SLC7A9: variants seen among roughly 807,000 people sequenced by gnomAD.
SLC7A9 encodes the protein solute carrier family 7 member 9, also known as B(0,+)-type amino acid transporter 1.
Under a neutral mutation model 54.1 loss-of-function variants are expected in SLC7A9, and 38 were observed. The ratio of observed to expected loss-of-function variants is 0.70; its 90% CI spans 0.54 to 0.92. The LOEUF (loss-of-function observed/expected upper bound fraction) is 0.92, where lower values mean the gene tolerates loss of function less well. SLC7A9 is among the 40% of genes least tolerant of loss of function. The pLI, the probability that SLC7A9 is intolerant of heterozygous loss-of-function variation, is 0.00. For synonymous variants in SLC7A9, 264 were observed against 258.9 expected (o/e 1.02, Z -0.19); for missense variants, 537 against 636.1 (o/e 0.84, Z 1.68).
intron 9 of SLC7A9, 47 bp downstream of exon 9, chr19:32,858,393 T>A: frequency 7.3e-7 from 1 of 1,373,300 alleles, no homozygotes; most frequent in Non-Finnish European, 1.0e-6. Context: ...GTGATATTGC[T>A]TTCGCCGCCC....
chr19:32,861,020 A>G (rs1232540857), intron 6 of SLC7A9, among the ~76,000 whole-genome samples: 2 of 152,228 alleles, frequency 1.3e-5, no homozygotes, highest in Non-Finnish European at 2.9e-5. Flanking sequence ...GCAGATGGCC[A>G]TGCTTCTTCC....
intron 11 of SLC7A9, among the ~76,000 whole-genome samples, chr19:32,838,260 A>C (rs925530424): frequency 6.6e-6 from 1 of 152,048 alleles, no homozygotes; most frequent in African/African-American, 2.4e-5. Context: ...TTTAAATGTT[A>C]AATTTTAATT....
chr19:32,862,608 C>G, intron 4 of SLC7A9, 22 bp from the exon 5 acceptor site: 1 of 1,612,948 alleles, frequency 6.2e-7, no homozygotes, highest in Non-Finnish European at 8.5e-7. Flanking sequence ...GGGACAGTTT[C>G]TGCATTTATG....
chr19:32,847,320 C>T lies in SLC7A9; in HGVS notation c.978-3369G>A, dbSNP rs529874001. Among the ~76,000 whole-genome samples the T allele has an allele frequency of 1.2e-4, 18 of 152,242 alleles. No homozygotes were observed. In the East Asian group the frequency reaches 3.3e-3, roughly 28 times the overall value. On this transcript the variant is annotated intron_variant, in intron 9 of 12. Coordinates refer to ENST00000023064, the MANE Select transcript of SLC7A9 (RefSeq NM_014270.5). ...TTAGACAAATGGATAACTACAATAA[C>T]CAATGCAGAGAAGTCCTTAAAGGAG...
At chr19:32,843,318 G>A (rs532318456) in intron 10 of SLC7A9, among the ~76,000 whole-genome samples, 44 of 152,194 alleles carry the variant, frequency 2.9e-4, no homozygotes, top group Admixed American at 5.2e-4. Context: ...GTAGCCAGGC[G>A]TGATGGCAGG....
At chr19:32,863,979 G>A in intron 4 of SLC7A9, 117 bp downstream of exon 4, 2 of 1,522,432 alleles carry the variant, frequency 1.3e-6, no homozygotes, top group Non-Finnish European at 1.8e-6. Context: ...AAAGGCTGAT[G>A]CCAGGCCCTG....
intron 8 of SLC7A9, 141 bp downstream of exon 8, chr19:32,859,700 T>C: frequency 2.6e-6 from 2 of 777,866 alleles, no homozygotes; most frequent in East Asian, 2.6e-5. Context: ...TCCAGCTCCA[T>C]GCCGTGCGTG....
chr19:32,840,352 A>G (rs1381723343), intron 11 of SLC7A9, among the ~76,000 whole-genome samples: 1 of 151,848 alleles, frequency 6.6e-6, no homozygotes, highest in Admixed American at 6.6e-5. Flanking sequence ...TTTTGTAGAG[A>G]CAGGGTCTTG....
At chr19:32,845,783 G>A (rs1160830552) in intron 9 of SLC7A9, among the ~76,000 whole-genome samples, 2 of 152,186 alleles carry the variant, frequency 1.3e-5, no homozygotes, top group Non-Finnish European at 2.9e-5. Context: ...CGAGGCGGGT[G>A]GATCACTTGA....
chr19:32,839,353 G>A (rs1161365587), intron 11 of SLC7A9, among the ~76,000 whole-genome samples: 1 of 152,040 alleles, frequency 6.6e-6, no homozygotes. Flanking sequence ...AGGAGTTCGA[G>A]ACCAGCCTGA....
Position 32,830,538 on chromosome 19 carries a change from G to T in SLC7A9, c.*82C>A. 1 of 1,052,384 alleles carries T rather than the reference G, an allele frequency of 9.5e-7. No homozygotes were observed. Among genetic ancestry groups the T allele is most frequent in the Non-Finnish European group, 1.5e-6 (1 of 670,104 alleles). The allele number at this position is 1,052,384 out of a possible 1,614,324, so 65.2% of individuals were successfully genotyped here. ...TTAAACATCTGAGTATATTTTATTC[G>T]TAAGAAAAAAAGGAAGAAATAACCA... On this transcript the variant is annotated 3_prime_UTR_variant, in exon 13 of 13. Transcript: ENST00000023064.
intron 6 of SLC7A9, 146 bp downstream of exon 6, chr19:32,861,972 T>C (rs1361925806): frequency 2.8e-6 from 2 of 725,084 alleles, no homozygotes; most frequent in African/African-American, 3.5e-5. Flanking sequence ...TGTCGCATCC[T>C]TCACAAAAAG....
chr19:32,857,551 T>G (rs948638111), intron 9 of SLC7A9, among the ~76,000 whole-genome samples: 1 of 152,194 alleles, frequency 6.6e-6, no homozygotes, highest in African/African-American at 2.4e-5. Context: ...TAGCACTACA[T>G]GTATTTCGGT....
Position 32,854,266 on chromosome 19 carries a change from G to A in SLC7A9, c.977+4174C>T, listed in dbSNP as rs113992338. On this transcript the variant is annotated intron_variant, in intron 9 of 12. Transcript: ENST00000023064. The stretch of plus-strand genomic sequence containing the variant: ...ATGGGCTCAAGCAGTCCTCCCCCTC[G>A]GCCTCCCAAAGTGCTTTGATTACAG... Among the ~76,000 whole-genome samples the A allele has an allele frequency of 7.8e-3, 1,191 of 151,802 alleles. 16 individuals carry two copies. Among genetic ancestry groups the A allele is most frequent in the African/African-American group, 0.027 (1,126 of 41,390 alleles).
intron 11 of SLC7A9, among the ~76,000 whole-genome samples, chr19:32,835,889 C>T (rs923726238): frequency 2.1e-5 from 3 of 140,776 alleles, no homozygotes; most frequent in Non-Finnish European, 4.6e-5. Context: ...AATTTATGTA[C>T]TGTGTGTGTG....
intron 12 of SLC7A9, 98 bp downstream of exon 12, chr19:32,833,051 T>A: frequency 8.8e-7 from 1 of 1,138,910 alleles, no homozygotes; most frequent in Non-Finnish European, 1.3e-6. Flanking sequence ...GCCAGCAGGG[T>A]GAGACACTGT....
chr19:32,860,757 A>G, intron 6 of SLC7A9, 107 bp from the exon 7 acceptor site: 1 of 1,458,020 alleles, frequency 6.9e-7, no homozygotes, highest in Admixed American at 2.0e-5. Flanking sequence ...ACCAGAGAAA[A>G]AAATTCTCCT....
chr19:32,857,255 G>A (rs554509579), intron 9 of SLC7A9, among the ~76,000 whole-genome samples: 8 of 152,046 alleles, frequency 5.3e-5, no homozygotes, highest in Admixed American at 4.6e-4. Flanking sequence ...ATGGGCCTGG[G>A]CAACATGGTG....
intron 9 of SLC7A9, among the ~76,000 whole-genome samples, chr19:32,851,556 C>T (rs1599670505): frequency 6.6e-6 from 1 of 151,262 alleles, no homozygotes; most frequent in Non-Finnish European, 1.5e-5. Flanking sequence ...AATAGGAACA[C>T]TTTTACACTG....
Sources: gnomAD v4.1 joint callset for allele counts (sites outside exome capture counted in the v4.1 genomes callset) on GRCh38, gnomAD v4.1.1 for gene constraint, MANE v1.5 for transcripts, NCBI Gene and HGNC (gene_info 2026-07-23, HGNC 2026-07-21) for gene names.